KCNQ5: variants seen among roughly 807,000 people sequenced by gnomAD.
KCNQ5 encodes potassium voltage-gated channel subfamily KQT member 5.
In KCNQ5, 30 loss-of-function variants were observed where a neutral mutation model predicts 98.2. The observed-to-expected ratio is 0.31, with a 90% CI of 0.23 to 0.41. The LOEUF (loss-of-function observed/expected upper bound fraction) is 0.41, where lower values mean the gene tolerates loss of function less well. Ranked by LOEUF, KCNQ5 falls within the 10% of genes least tolerant of loss-of-function variation. The pLI is 1.00. For missense variants in KCNQ5, 835 were observed against 1,182.5 expected (o/e 0.71, Z 4.31); for synonymous variants, 458 against 449.4 (o/e 1.02, Z -0.24).
chr6:72,684,473 A>G (rs1229541791), intron 1 of KCNQ5, among the ~76,000 whole-genome samples: 1 of 152,254 alleles, frequency 6.6e-6, no homozygotes, highest in African/African-American at 2.4e-5. Flanking sequence ...AAAATCTTTC[A>G]TCAGTGTCTT....
intron 3 of KCNQ5, among the ~76,000 whole-genome samples, chr6:73,050,222 GAC>G (rs1352430608): frequency 2.1e-5 from 3 of 140,394 alleles, no homozygotes; most frequent in Admixed American, 7.8e-5. Flanking sequence ...GAGAGAGAGA[GAC>G]AAAGAGAAAG....
Position 73,186,734 on chromosome 6 carries a change from C to G in KCNQ5, c.1578-3839C>G, listed in dbSNP as rs1196365682. On this transcript the variant is annotated intron_variant, in intron 11 of 13. Transcript: ENST00000370398. ...TTACCTTTATTTTTAATATAATGTA[C>G]TTGATTGTAAGTCTATGTAATTTAA... Among the ~76,000 whole-genome samples, 3 of 152,096 alleles carry G rather than the reference C, an allele frequency of 2.0e-5. No individual in the cohort carries two copies. In the East Asian group the frequency reaches 5.8e-4, roughly 29 times the overall value.
intron 1 of KCNQ5, among the ~76,000 whole-genome samples, chr6:72,739,767 C>T (rs1376488391): frequency 1.3e-5 from 2 of 152,132 alleles, no homozygotes; most frequent in African/African-American, 2.4e-5. Flanking sequence ...ACTGACTATT[C>T]GATAGTCCCA....
chr6:72,937,105 AAGAGT>A (rs1234533191), intron 1 of KCNQ5, among the ~76,000 whole-genome samples: 2 of 152,264 alleles, frequency 1.3e-5, no homozygotes, highest in East Asian at 1.9e-4. Flanking sequence ...GAGGATTTAA[AAGAGT>A]AAAGTAAAAT....
chr6:72,701,540 A>G (rs1291692134), intron 1 of KCNQ5, among the ~76,000 whole-genome samples: 2 of 152,158 alleles, frequency 1.3e-5, no homozygotes, highest in Non-Finnish European at 2.9e-5. Context: ...GAGAAAAGAA[A>G]TAGAGACTTG....
chr6:72,887,683 TA>T (rs1778898228), intron 1 of KCNQ5, among the ~76,000 whole-genome samples: 1 of 152,168 alleles, frequency 6.6e-6, no homozygotes, highest in Non-Finnish European at 1.5e-5. Context: ...CAAAAGTGGG[TA>T]AATATACTGA....
chr6:73,038,134 T>C lies in KCNQ5; in HGVS notation c.490-3802T>C, dbSNP rs562212233. 1.6e-4 allele frequency among the ~76,000 whole-genome samples: 24 copies of C among 152,194 alleles called. No individual in the cohort carries two copies. The East Asian group carries it at 3.9e-3, about 24-fold the overall frequency. On this transcript the variant is annotated intron_variant, in intron 2 of 13. Coordinates refer to ENST00000370398, the MANE Select transcript of KCNQ5 (RefSeq NM_019842.4). ...TTTAAGTTATTTTTATTTGGAATTA[T>C]TATAAATAATAATTTTGTGTTTCTA...
intron 1 of KCNQ5, among the ~76,000 whole-genome samples, chr6:72,831,514 G>T (rs1776266625): frequency 6.7e-6 from 1 of 150,090 alleles, no homozygotes; most frequent in South Asian, 2.1e-4. Flanking sequence ...TCACTCATAG[G>T]TGAGAAATGA....
intron 1 of KCNQ5, among the ~76,000 whole-genome samples, chr6:72,668,607 T>G (rs68141942): frequency 0.25 from 37,424 of 151,714 alleles, 6,181 homozygotes; most frequent in East Asian, 0.51. Context: ...CTTGGTCAGG[T>G]CAGGCTGCCA....
At chr6:72,974,767 T>C (rs1025749721) in intron 1 of KCNQ5, among the ~76,000 whole-genome samples, 2 of 151,252 alleles carry the variant, frequency 1.3e-5, no homozygotes, top group African/African-American at 4.9e-5. Context: ...TTAGATGGAG[T>C]CTTGCTCTGT....
At chr6:72,890,425 G>A (rs1261067832) in intron 1 of KCNQ5, among the ~76,000 whole-genome samples, 1 of 150,160 alleles carries the variant, frequency 6.7e-6, no homozygotes, top group Non-Finnish European at 1.5e-5. Context: ...CTGTATATAG[G>A]GTTTTTCATT....
At chr6:72,870,488 T>C (rs1018317538) in intron 1 of KCNQ5, among the ~76,000 whole-genome samples, 1 of 152,078 alleles carries the variant, frequency 6.6e-6, no homozygotes, top group African/African-American at 2.4e-5. Flanking sequence ...TGGGATCAAA[T>C]GATCGGCCTG....
At chr6:72,825,050 G>A (rs1288196963) in intron 1 of KCNQ5, among the ~76,000 whole-genome samples, 1 of 151,900 alleles carries the variant, frequency 6.6e-6, no homozygotes, top group African/African-American at 2.4e-5. Flanking sequence ...CACTGTCTTT[G>A]AGGACCTCTG....
chr6:73,159,096 CT>C (rs1363210419), intron 10 of KCNQ5, among the ~76,000 whole-genome samples: 7 of 152,008 alleles, frequency 4.6e-5, no homozygotes, highest in Non-Finnish European at 8.8e-5. Context: ...TAGACTCAAT[CT>C]AAGTGCCCAT....
At chr6:72,657,727 A>G (rs1375035655) in intron 1 of KCNQ5, among the ~76,000 whole-genome samples, 1 of 152,242 alleles carries the variant, frequency 6.6e-6, no homozygotes. Context: ...ATGCTATGCT[A>G]TGTTATAGTT....
chr6:72,784,622 G>A (rs755744183), intron 1 of KCNQ5, among the ~76,000 whole-genome samples: 29 of 152,258 alleles, frequency 1.9e-4, no homozygotes, highest in Non-Finnish European at 2.9e-4. Context: ...TTTTCTCAAT[G>A]TGTCATCCTC....
chr6:72,941,981 CCTGTGAGAGG>C, intron 1 of KCNQ5, among the ~76,000 whole-genome samples: 1 of 152,062 alleles, frequency 6.6e-6, no homozygotes, highest in Non-Finnish European at 1.5e-5. Context: ...AAACACCATG[CCTGTGAGAGG>C]CTGTGAGAGA....
chr6:73,000,134 A>G lies in KCNQ5; in HGVS notation c.399-3774A>G, dbSNP rs544772695. 4.0e-4 allele frequency among the ~76,000 whole-genome samples: 61 copies of G among 152,246 alleles called. No homozygotes were observed. The South Asian group carries it at 7.1e-3, about 18-fold the overall frequency. On this transcript the variant is annotated intron_variant, in intron 1 of 13. Coordinates refer to ENST00000370398, the MANE Select transcript of KCNQ5 (RefSeq NM_019842.4). ...GGGTCATGGTCAGTAATCAGCATGC[A>G]TACATGCGCACAGGATCCTCAGAAG... is the stretch of plus-strand genomic sequence containing the variant.
At position 72,737,468 on chromosome 6, in the gene KCNQ5, A is replaced by AT. The variant is rs1024663063; in HGVS notation, c.398+114892dup. 5.9e-3 allele frequency among the ~76,000 whole-genome samples: 878 copies of AT among 148,600 alleles called. 2 individuals carry two copies. Among genetic ancestry groups the AT allele is most frequent in the Middle Eastern group, 0.01 (3 of 286 alleles). ...GACTTCTATCCAGAAAACACAGGTGATTTTTTTTTTTCTCTTGGAAAGCCA... is the reference window on the plus strand; with the variant it reads ...GACTTCTATCCAGAAAACACAGGTGATTTTTTTTTTTTCTCTTGGAAAGCCA... On this transcript the variant is annotated intron_variant, in intron 1 of 13. Coordinates refer to ENST00000370398, the MANE Select transcript of KCNQ5 (RefSeq NM_019842.4).
Sources: allele counts gnomAD v4.1 joint callset (sites outside exome capture counted in the v4.1 genomes callset), GRCh38; gene constraint gnomAD v4.1.1; transcripts MANE v1.5; gene names NCBI Gene and HGNC (gene_info 2026-07-23, HGNC 2026-07-21).